The following ANKRD30B variants were observed in gnomAD, a reference collection of about 807,000 sequenced individuals.
ANKRD30B encodes the protein ankyrin repeat domain-containing protein 30B.
Under a neutral mutation model 202.2 loss-of-function variants are expected in ANKRD30B, and 144 were observed. The ratio of observed to expected loss-of-function variants is 0.71; its 90% CI spans 0.62 to 0.82. ANKRD30B has a LOEUF of 0.82. Among genes scored for constraint, ANKRD30B ranks in the 40% least tolerant of loss-of-function variants. The pLI, the probability that ANKRD30B is intolerant of heterozygous loss-of-function variation, is 0.00. For synonymous variants in ANKRD30B, 508 were observed against 561.3 expected, an observed-to-expected ratio of 0.91 and a Z score of 1.34; for missense variants, 1,487 against 1,669.1, an observed-to-expected ratio of 0.89 and a Z score of 1.90.
the ANKRD30B span, among the ~76,000 whole-genome samples, chr18:14,874,218 C>G: frequency 6.6e-6 from 1 of 152,160 alleles, no homozygotes; most frequent in Non-Finnish European, 1.5e-5. Flanking sequence ...AATCCTAAGA[C>G]TTTCGAAGAC....
chr18:14,765,901 A>T (rs1411474427), intron 7 of ANKRD30B, among the ~76,000 whole-genome samples: 1 of 152,106 alleles, frequency 6.6e-6, no homozygotes, highest in African/African-American at 2.4e-5. Flanking sequence ...GTTTTACTGA[A>T]TTTTTTTTAA....
intron 14 of ANKRD30B, among the ~76,000 whole-genome samples, chr18:14,786,530 T>C (rs1968095251): frequency 6.6e-6 from 1 of 152,192 alleles, no homozygotes; most frequent in African/African-American, 2.4e-5. Context: ...TCATAGCATA[T>C]TGAAATGTAA....
chr18:14,788,152 T>C (rs1035299361), intron 15 of ANKRD30B, among the ~76,000 whole-genome samples: 5 of 152,208 alleles, frequency 3.3e-5, no homozygotes, highest in Non-Finnish European at 7.4e-5. Flanking sequence ...TTTTAAATGT[T>C]TAATGCTGTA....
the ANKRD30B span, among the ~76,000 whole-genome samples, chr18:14,894,112 A>G: frequency 1.3e-5 from 2 of 152,238 alleles, no homozygotes; most frequent in African/African-American, 2.4e-5. Flanking sequence ...ACTAGAGACT[A>G]TGCCCTAAAT....
rs758933872 is a variant in ANKRD30B at position 14,769,336 on chromosome 18, T to C, written c.1226-7T>C. ...ATTTAATGTATTTTACTTTTTTTCT[T>C]TAATAGTGGATGTGAGTTCTGTAGA... On this transcript the variant is annotated splice_region_variant and splice_polypyrimidine_tract_variant and intron_variant, in intron 7 of 43. Coordinates refer to ENST00000690538, the MANE Select transcript of ANKRD30B (RefSeq NM_001367607.2). The C allele has an allele frequency of 2.6e-6, 4 of 1,537,158 alleles. No individual in the cohort carries two copies. The highest frequency in any genetic ancestry group is 8.8e-7 in the Non-Finnish European group (1 of 1,138,846).
At position 14,797,220 on chromosome 18, in the gene ANKRD30B, G is replaced by A. The variant is rs186243141; in HGVS notation, c.1928-441G>A. Among the ~76,000 whole-genome samples, 50 of 152,188 alleles carry A rather than the reference G, an allele frequency of 3.3e-4. No homozygotes were observed. The East Asian group carries it at 4.8e-3, about 15-fold the overall frequency. On this transcript the variant is annotated intron_variant, in intron 18 of 43. Coordinates refer to ENST00000690538, the MANE Select transcript of ANKRD30B (RefSeq NM_001367607.2). ...CATATGGACAGGTACCCCCCCATGCGTCTGTTTATAGGCTCTCCACAAGGG... is the reference window on the plus strand; with the variant it reads ...CATATGGACAGGTACCCCCCCATGCATCTGTTTATAGGCTCTCCACAAGGG...
At chr18:14,888,030 T>C in the ANKRD30B span, among the ~76,000 whole-genome samples, 1 of 152,300 alleles carries the variant, frequency 6.6e-6, no homozygotes, top group Middle Eastern at 3.4e-3. Context: ...TTTGGAAACA[T>C]CCTTTTAGCA....
At chr18:14,797,179 A>T in intron 18 of ANKRD30B, among the ~76,000 whole-genome samples, 1 of 152,164 alleles carries the variant, frequency 6.6e-6, no homozygotes, top group East Asian at 1.9e-4. Context: ...GAGGGCATTC[A>T]TAGCACTATC....
At chr18:14,818,263 G>A (rs1357002156) in intron 30 of ANKRD30B, among the ~76,000 whole-genome samples, 4 of 152,016 alleles carry the variant, frequency 2.6e-5, no homozygotes, top group Non-Finnish European at 5.9e-5. Flanking sequence ...GTTATTTTCA[G>A]TAACCATTAT....
chr18:14,806,317 A>G (rs2144029993), intron 24 of ANKRD30B, among the ~76,000 whole-genome samples: 1 of 151,092 alleles, frequency 6.6e-6, no homozygotes, highest in African/African-American at 2.4e-5. Context: ...CATAATAATT[A>G]CAGATGTCAG....
chr18:14,868,974 G>T, the ANKRD30B span, among the ~76,000 whole-genome samples: 2 of 152,340 alleles, frequency 1.3e-5, no homozygotes, highest in East Asian at 3.9e-4. Flanking sequence ...GCTAGTTTGC[G>T]TGGTGTGGTT....
the ANKRD30B span, among the ~76,000 whole-genome samples, chr18:14,936,518 CT>C: frequency 1.3e-5 from 2 of 152,240 alleles, no homozygotes; most frequent in East Asian, 3.9e-4. Context: ...CCCCCAAGGA[CT>C]TTGTACCTAG....
the ANKRD30B span, among the ~76,000 whole-genome samples, chr18:14,916,545 C>T: frequency 1.3e-5 from 2 of 152,122 alleles, no homozygotes; most frequent in African/African-American, 4.8e-5. Flanking sequence ...CCTGTATTCC[C>T]CACTAGGAGC....
At chr18:14,855,834 G>C (rs1356111600), downstream of ANKRD30B, among the ~76,000 whole-genome samples, 1 of 148,926 alleles carries the variant, frequency 6.7e-6, no homozygotes, top group Non-Finnish European at 1.5e-5. Context: ...GCCAGGCAGA[G>C]GCACTCCTCA....
At chr18:14,881,605 TC>T in the ANKRD30B span, among the ~76,000 whole-genome samples, 1 of 151,882 alleles carries the variant, frequency 6.6e-6, no homozygotes, top group African/African-American at 2.4e-5. Flanking sequence ...ATAGAATGAA[TC>T]GGGGAGGGTT....
At chr18:14,837,455 T>C (rs547739243) in intron 35 of ANKRD30B, among the ~76,000 whole-genome samples, 160 bp from the exon 36 acceptor site, 179 of 152,034 alleles carry the variant, frequency 1.2e-3, no homozygotes, top group African/African-American at 4.0e-3. Flanking sequence ...CTTCATACTA[T>C]CAACTCTTTT....
rs775501757 is a variant in ANKRD30B, at chr18:14,837,312, T to C, written c.2926+23T>C. 15 of 1,496,784 alleles carry C rather than the reference T, an allele frequency of 1.0e-5. No individual in the cohort carries two copies. The South Asian group carries it at 1.9e-4, about 19-fold the overall frequency. 92.7% of individuals were successfully genotyped at this position (1,496,784 alleles called of 1,614,324 possible). ...CAAGTAATGACAATTTTATTTTTTATACCAAAATAATAGAAATGGTAAATT... is the reference window on the plus strand; with the variant it reads ...CAAGTAATGACAATTTTATTTTTTACACCAAAATAATAGAAATGGTAAATT... On this transcript the variant is annotated intron_variant, in intron 35 of 43. Coordinates refer to ENST00000690538, the MANE Select transcript of ANKRD30B (RefSeq NM_001367607.2).
the ANKRD30B span, among the ~76,000 whole-genome samples, chr18:14,873,459 A>T: frequency 6.4e-5 from 9 of 141,488 alleles, no homozygotes; most frequent in South Asian, 2.2e-3. Flanking sequence ...TGGGAGGCAG[A>T]GGTTGCAGTG....
downstream of ANKRD30B, among the ~76,000 whole-genome samples, chr18:14,858,806 G>A (rs1468171939): frequency 2.6e-5 from 3 of 115,574 alleles, no homozygotes; most frequent in East Asian, 7.4e-4. Flanking sequence ...ACAATGGGCA[G>A]CCAGGCAGAG....
Sources: allele counts gnomAD v4.1 joint callset (sites outside exome capture counted in the v4.1 genomes callset), GRCh38; gene constraint gnomAD v4.1.1; transcripts MANE v1.5; gene names NCBI Gene and HGNC (gene_info 2026-07-23, HGNC 2026-07-21).